The following POFUT3 variants were observed in gnomAD, a reference collection of about 807,000 sequenced individuals.
The protein encoded by POFUT3 is GDP-fucose protein O-fucosyltransferase 3.
the POFUT3 span, chr8:33,371,546 C>G: frequency 1.3e-5 from 2 of 152,206 alleles, no homozygotes; most frequent in Non-Finnish European, 2.9e-5. Context: ...TGGCAACAGG[C>G]TTTTAGTATC....
the POFUT3 span, among the ~76,000 whole-genome samples, chr8:33,309,210 AT>A: frequency 3.2e-5 from 4 of 124,162 alleles, no homozygotes; most frequent in African/African-American, 6.0e-5. Flanking sequence ...ACACACACAT[AT>A]TTTTTTCCTT....
the POFUT3 span, chr8:33,436,335 G>T: frequency 7.5e-7 from 1 of 1,336,356 alleles, no homozygotes; most frequent in Non-Finnish European, 1.1e-6. Flanking sequence ...TGCATCCTCT[G>T]CCCGCTCCAT....
the POFUT3 span, among the ~76,000 whole-genome samples, chr8:33,382,969 C>A: frequency 6.6e-6 from 1 of 152,098 alleles, no homozygotes; most frequent in Non-Finnish European, 1.5e-5. Flanking sequence ...ATATCACACA[C>A]GTGCAACCCA....
chr8:33,379,088 C>T, the POFUT3 span, among the ~76,000 whole-genome samples: 1 of 152,186 alleles, frequency 6.6e-6, no homozygotes, highest in East Asian at 1.9e-4. Context: ...CTCCCTCTCT[C>T]CCTCCCTCCC....
At chr8:33,395,790 G>A in the POFUT3 span, among the ~76,000 whole-genome samples, 6 of 152,270 alleles carry the variant, frequency 3.9e-5, no homozygotes, top group Admixed American at 1.3e-4. Context: ...GGGCTGGTAT[G>A]CGGTTTGTTC....
chr8:33,373,468 C>G, the POFUT3 span, among the ~76,000 whole-genome samples: 1 of 152,258 alleles, frequency 6.6e-6, no homozygotes, highest in East Asian at 1.9e-4. Flanking sequence ...TACCTCCCAG[C>G]TTCAAAATGC....
the POFUT3 span, among the ~76,000 whole-genome samples, chr8:33,359,051 G>T: frequency 1.3e-5 from 2 of 152,062 alleles, no homozygotes; most frequent in Non-Finnish European, 2.9e-5. Context: ...TTTTGTTATA[G>T]CAGCCTGAAT....
chr8:33,367,735 G>A, the POFUT3 span, among the ~76,000 whole-genome samples: 6 of 151,332 alleles, frequency 4.0e-5, no homozygotes, highest in East Asian at 1.9e-4. Flanking sequence ...TTTTCCCCAT[G>A]AGTGGACTCA....
the POFUT3 span, among the ~76,000 whole-genome samples, chr8:33,441,378 C>CTTTTT: frequency 4.8e-4 from 55 of 114,044 alleles, no homozygotes; most frequent in Non-Finnish European, 7.9e-4. Context: ...TTTTTCCTGC[C>CTTTTT]TTTTTTTTTT....
the POFUT3 span, among the ~76,000 whole-genome samples, chr8:33,355,586 T>C: frequency 1.7e-3 from 258 of 152,334 alleles, 2 homozygotes; most frequent in African/African-American, 6.0e-3. Context: ...TGCCAATTGT[T>C]AGTTATATAA....
the POFUT3 span, among the ~76,000 whole-genome samples, chr8:33,448,881 C>T: frequency 6.6e-6 from 1 of 152,062 alleles, no homozygotes; most frequent in Non-Finnish European, 1.5e-5. Flanking sequence ...TTTCAGTGAG[C>T]TGAGATCATG....
chr8:33,419,826 A>G, the POFUT3 span, among the ~76,000 whole-genome samples: 1 of 152,176 alleles, frequency 6.6e-6, no homozygotes, highest in Non-Finnish European at 1.5e-5. Flanking sequence ...TTTAAACTTC[A>G]TTTATTTATT....
chr8:33,396,524 C>T, the POFUT3 span, among the ~76,000 whole-genome samples: 6 of 152,242 alleles, frequency 3.9e-5, no homozygotes, highest in African/African-American at 1.4e-4. Flanking sequence ...GGTTCTAACC[C>T]CTTGTTATCA....
At chr8:33,383,035 G>A in the POFUT3 span, among the ~76,000 whole-genome samples, 1 of 152,050 alleles carries the variant, frequency 6.6e-6, no homozygotes, top group Admixed American at 6.6e-5. Context: ...GAGAAAGCAG[G>A]GCCCATGGAT....
the POFUT3 span, among the ~76,000 whole-genome samples, chr8:33,334,212 G>C: frequency 1.3e-5 from 2 of 151,788 alleles, no homozygotes; most frequent in South Asian, 2.1e-4. Context: ...ACCCTATTAA[G>C]TTGAAAATTC....
the POFUT3 span, among the ~76,000 whole-genome samples, chr8:33,430,555 A>G: frequency 6.6e-6 from 1 of 152,194 alleles, no homozygotes; most frequent in African/African-American, 2.4e-5. Context: ...CAGGAGTTTT[A>G]CACTTATTGC....
the POFUT3 span, among the ~76,000 whole-genome samples, chr8:33,331,558 A>T: frequency 6.6e-6 from 1 of 152,264 alleles, no homozygotes; most frequent in East Asian, 1.9e-4. Flanking sequence ...GCAGTGGCTC[A>T]CACCTGTAAT....
the POFUT3 span, among the ~76,000 whole-genome samples, chr8:33,332,527 G>A: frequency 2.0e-5 from 3 of 148,970 alleles, no homozygotes; most frequent in Non-Finnish European, 3.0e-5. Context: ...GAAAGAAAGC[G>A]AGGGAGGGAG....
chr8:33,354,402 G>A, the POFUT3 span, among the ~76,000 whole-genome samples: 1 of 152,162 alleles, frequency 6.6e-6, no homozygotes, highest in Non-Finnish European at 1.5e-5. Context: ...GTTTGAGTCT[G>A]AGGGCAGTAG....
Sources: gnomAD v4.1 joint callset for allele counts (sites outside exome capture counted in the v4.1 genomes callset) on GRCh38, gnomAD v4.1.1 for gene constraint, MANE v1.5 for transcripts, NCBI Gene and HGNC (gene_info 2026-07-23, HGNC 2026-07-21) for gene names.